TMEM41B: variants seen among roughly 807,000 people sequenced by gnomAD.
TMEM41B encodes the protein transmembrane protein 41B, also known as protein stasimon.
TMEM41B carries 18 observed loss-of-function variants against 31.9 expected under a neutral mutation model. The observed-to-expected ratio is 0.56, with a 90% CI of 0.39 to 0.84. The LOEUF is 0.84. TMEM41B is among the 40% of genes least tolerant of loss of function. TMEM41B has a pLI of 0.00. For missense variants in TMEM41B, 322 were observed against 348.0 expected, an observed-to-expected ratio of 0.93 and a Z score of 0.59; for synonymous variants, 144 against 124.3, an observed-to-expected ratio of 1.16 and a Z score of -1.05.
At chr11:9,292,451 A>G (rs186959945) in intron 3 of TMEM41B, among the ~76,000 whole-genome samples, 2 of 152,294 alleles carry the variant, frequency 1.3e-5, no homozygotes, top group Admixed American at 6.5e-5. Context: ...ATGCATTAGT[A>G]TTAATAATCT....
intron 3 of TMEM41B, among the ~76,000 whole-genome samples, chr11:9,290,848 G>A (rs975674653): frequency 1.8e-4 from 28 of 152,156 alleles, no homozygotes; most frequent in South Asian, 2.1e-4. Flanking sequence ...GCTGGGCACC[G>A]TGGCTCCCGC....
intron 1 of TMEM41B, among the ~76,000 whole-genome samples, chr11:9,305,753 C>T (rs776695570): frequency 1.3e-5 from 2 of 152,020 alleles, no homozygotes; most frequent in Non-Finnish European, 2.9e-5. Context: ...AGAATCAGGT[C>T]CAGAGTATAA....
At chr11:9,287,177 T>C (rs1852855492) in intron 5 of TMEM41B, among the ~76,000 whole-genome samples, 1 of 151,290 alleles carries the variant, frequency 6.6e-6, no homozygotes, top group Non-Finnish European at 1.5e-5. Context: ...CGTGGTGGCA[T>C]GTACCTATAA....
At chr11:9,293,531 A>T (rs536233310) in intron 3 of TMEM41B, among the ~76,000 whole-genome samples, 1 of 152,174 alleles carries the variant, frequency 6.6e-6, no homozygotes, top group South Asian at 2.1e-4. Flanking sequence ...TTATCTGTAT[A>T]TTGTGAGTTA....
rs192292033 is a variant in TMEM41B, at chr11:9,288,259, C to G, written c.462+183G>C. The stretch of plus-strand genomic sequence containing the variant: ...ACATAGCTTATAAATGCAACTAAGT[C>G]TATAATTGGTCTGTTCTGGGGGAAA... On this transcript the variant is annotated intron_variant, in intron 4 of 6. Transcript: ENST00000528080. Among the ~76,000 whole-genome samples the G allele has an allele frequency of 2.0e-5, 3 of 152,280 alleles. No homozygotes were observed. The East Asian group carries it at 5.8e-4, about 29-fold the overall frequency.
At chr11:9,298,636 C>A (rs1853159855) in intron 2 of TMEM41B, among the ~76,000 whole-genome samples, 1 of 151,878 alleles carries the variant, frequency 6.6e-6, no homozygotes, top group Non-Finnish European at 1.5e-5. Flanking sequence ...CGTGGTGGCA[C>A]ACATCTATAA....
In TMEM41B at chr11:9,290,789, A is replaced by C. The variant is rs188460545; in HGVS notation, c.369-2254T>G. ...TACAGCTGAAATTGGGGAAAAAAAA[A>C]CAAAGTAGAGAAACTAGTGTTATGA... On this transcript the variant is annotated intron_variant, in intron 3 of 6. Coordinates refer to ENST00000528080, the MANE Select transcript of TMEM41B (RefSeq NM_015012.4). 2.9e-3 allele frequency among the ~76,000 whole-genome samples: 443 copies of C among 152,280 alleles called. 1 individual carries two copies. The highest frequency in any genetic ancestry group is 4.5e-3 in the Non-Finnish European group (304 of 68,020).
rs1852837642 is a variant in TMEM41B at position 9,286,402 on chromosome 11, C to T, written c.706+53G>A. The T allele has an allele frequency of 7.1e-6, 11 of 1,548,472 alleles. No individual in the cohort carries two copies. The South Asian group carries it at 1.2e-4, about 18-fold the overall frequency. ...GCATGTAATCTAGCCCAGCTGGACA[C>T]TGTTAGATATGTACACAGTGAGCTC... On this transcript the variant is annotated intron_variant, in intron 6 of 6. Transcript: ENST00000528080.
At chr11:9,297,061 T>C (rs1853111929) in intron 2 of TMEM41B, among the ~76,000 whole-genome samples, 1 of 152,168 alleles carries the variant, frequency 6.6e-6, no homozygotes, top group South Asian at 2.1e-4. Context: ...TAGCTGGGAC[T>C]GCAGGCACGT....
chr11:9,293,728 T>C (rs528893120), intron 3 of TMEM41B, among the ~76,000 whole-genome samples: 1 of 152,170 alleles, frequency 6.6e-6, no homozygotes. Flanking sequence ...ATTACAGGCA[T>C]GCAATCACCA....
At position 9,285,329 on chromosome 11, in the gene TMEM41B, C is replaced by T. The variant is rs562099755; in HGVS notation, c.706+1126G>A. On this transcript the variant is annotated intron_variant, in intron 6 of 6. Transcript: ENST00000528080. Reference sequence around the variant, plus strand: ...CGAACTCTTGACCTTGTGATCCACCCGCCTTGGCCTACCAAAGTGCTGGGA... The same window carrying T: ...CGAACTCTTGACCTTGTGATCCACCTGCCTTGGCCTACCAAAGTGCTGGGA... Among the ~76,000 whole-genome samples the T allele has an allele frequency of 6.6e-5, 10 of 152,238 alleles. No individual in the cohort carries two copies. The East Asian group carries it at 1.9e-3, about 29-fold the overall frequency.
At chr11:9,309,751 TC>T (rs748809618) in intron 1 of TMEM41B, among the ~76,000 whole-genome samples, 109 of 151,186 alleles carry the variant, frequency 7.2e-4, no homozygotes, top group Admixed American at 2.6e-3. Flanking sequence ...TGAAACCCCA[TC>T]TCTACTAAAA....
At chr11:9,301,547 C>T (rs1345038864) in intron 1 of TMEM41B, among the ~76,000 whole-genome samples, 1 of 152,142 alleles carries the variant, frequency 6.6e-6, no homozygotes, top group Non-Finnish European at 1.5e-5. Context: ...TATTAGACAG[C>T]TGTCATTGCT....
rs377613626 is a variant in TMEM41B, at chr11:9,287,768, G to A, written c.501C>T (p.Ser167=). The stretch of plus-strand genomic sequence containing the variant: ...ATACAACTGGTCTCCCAACTAAATA[G>A]GAAAGCATATAACAGAAAGAGGCAC... ...GLGASFCYML[S]YLVGRPVVYK... Residue 167 remains serine (S), a synonymous_variant, in exon 5 of 7, where the codon TCC becomes TCT. Coordinates refer to ENST00000528080, the MANE Select transcript of TMEM41B (RefSeq NM_015012.4). 5 of 1,613,560 alleles carry A rather than the reference G, an allele frequency of 3.1e-6. No homozygotes were observed. The South Asian group carries it at 3.3e-5, about 11-fold the overall frequency.
At chr11:9,298,990 A>G (rs1853169978) in intron 2 of TMEM41B, among the ~76,000 whole-genome samples, 1 of 151,716 alleles carries the variant, frequency 6.6e-6, no homozygotes, top group Non-Finnish European at 1.5e-5. Flanking sequence ...CTTCTAAAAT[A>G]TATTTCCAGG....
At position 9,287,794 on chromosome 11, in the gene TMEM41B, C is replaced by T; in HGVS notation, c.475G>A (p.Gly159Ser). The change falls in exon 5 of 7, where the codon GGT (glycine) becomes AGT (serine). Residue 159 changes from glycine to serine, a missense_variant. Transcript: ENST00000528080. ...LFLVCLCSGL[G>S]ASFCYMLSYL... ...GAAAGCATATAACAGAAAGAGGCAC[C>T]AAGTCCAGAACACTGGAAAACAAAA... The T allele has an allele frequency of 6.2e-7, 1 of 1,612,060 alleles. No homozygotes were observed. Among genetic ancestry groups the T allele is most frequent in the Non-Finnish European group, 8.5e-7 (1 of 1,179,114 alleles).
intron 1 of TMEM41B, among the ~76,000 whole-genome samples, chr11:9,305,303 A>G (rs1206650834): frequency 1.3e-5 from 2 of 152,084 alleles, no homozygotes; most frequent in African/African-American, 4.8e-5. Context: ...CCATTATGAT[A>G]ATTTATAATT....
intron 3 of TMEM41B, among the ~76,000 whole-genome samples, chr11:9,294,902 T>C (rs1853047648): frequency 1.3e-5 from 2 of 152,034 alleles, no homozygotes; most frequent in South Asian, 4.1e-4. Flanking sequence ...AAAAATACTA[T>C]GGTGACTACT....
At chr11:9,291,559 G>A (rs1040981215) in intron 3 of TMEM41B, among the ~76,000 whole-genome samples, 6 of 149,444 alleles carry the variant, frequency 4.0e-5, no homozygotes, top group African/African-American at 7.4e-5. Context: ...GTGCCATCGC[G>A]CCCAGCTAAT....
Sources: allele counts gnomAD v4.1 joint callset (sites outside exome capture counted in the v4.1 genomes callset), GRCh38; gene constraint gnomAD v4.1.1; transcripts MANE v1.5; gene names NCBI Gene and HGNC (gene_info 2026-07-23, HGNC 2026-07-21).